Variants in PAG1 observed in about 807,000 individuals in gnomAD.
PAG1 encodes phosphoprotein associated with glycosphingolipid-enriched microdomains 1.
A neutral mutation model predicts 31.7 loss-of-function variants in PAG1; 23 were observed. That is an observed-to-expected ratio of 0.73 (90% confidence interval 0.52 to 1.03). The LOEUF (loss-of-function observed/expected upper bound fraction) is 1.03, where lower values mean the gene tolerates loss of function less well. Ranked by LOEUF, PAG1 falls within the 50% of genes least tolerant of loss-of-function variation. The pLI, the probability that PAG1 is intolerant of heterozygous loss-of-function variation, is 0.00. For missense variants in PAG1, 473 were observed against 540.7 expected (o/e 0.87, Z 1.24); for synonymous variants, 214 against 210.3 (o/e 1.02, Z -0.15).
intron 7 of PAG1, among the ~76,000 whole-genome samples, chr8:80,980,902 C>T (rs992367054): frequency 1.3e-5 from 2 of 152,158 alleles, no homozygotes; most frequent in African/African-American, 2.4e-5. Context: ...ATCCTTAAGT[C>T]ATTTGGAAAC....
intron 7 of PAG1, among the ~76,000 whole-genome samples, chr8:80,982,080 G>C (rs952187035): frequency 6.6e-6 from 1 of 151,872 alleles, no homozygotes; most frequent in African/African-American, 2.4e-5. Flanking sequence ...TGCCCAGGCT[G>C]GTTTCAAACA....
intron 2 of PAG1, among the ~76,000 whole-genome samples, chr8:81,051,547 A>G (rs1471651830): frequency 2.0e-5 from 3 of 152,248 alleles, no homozygotes; most frequent in Non-Finnish European, 4.4e-5. Context: ...AAATTCAGTC[A>G]TTAGGACGAC....
intron 3 of PAG1, among the ~76,000 whole-genome samples, chr8:81,017,894 C>A (rs1471417380): frequency 6.6e-6 from 1 of 152,222 alleles, no homozygotes; most frequent in African/African-American, 2.4e-5. Context: ...ACAGCCACTA[C>A]TCAACCTTTT....
intron 2 of PAG1, among the ~76,000 whole-genome samples, chr8:81,059,369 T>G (rs1288299687): frequency 2.0e-5 from 3 of 152,162 alleles, no homozygotes; most frequent in Non-Finnish European, 4.4e-5. Context: ...TAAATGTTGT[T>G]TCTGTTTAGA....
intron 1 of PAG1, among the ~76,000 whole-genome samples, chr8:81,101,609 G>A (rs796214974): frequency 3.9e-5 from 6 of 152,078 alleles, no homozygotes; most frequent in African/African-American, 9.6e-5. Context: ...CAATTCTATT[G>A]GCAAAAATAT....
chr8:80,980,192 C>T (rs1424273610), intron 8 of PAG1, among the ~76,000 whole-genome samples: 1 of 152,166 alleles, frequency 6.6e-6, no homozygotes, highest in East Asian at 1.9e-4. Flanking sequence ...TTTTCCTGAC[C>T]CTGCTTTCCT....
At chr8:81,000,109 T>G (rs993500277) in intron 3 of PAG1, among the ~76,000 whole-genome samples, 1 of 152,168 alleles carries the variant, frequency 6.6e-6, no homozygotes, top group African/African-American at 2.4e-5. Flanking sequence ...AGTGTGTATT[T>G]TGGGCTTTAG....
chr8:81,077,267 T>C (rs1474341276), intron 1 of PAG1, among the ~76,000 whole-genome samples: 1 of 152,240 alleles, frequency 6.6e-6, no homozygotes, highest in Admixed American at 6.5e-5. Flanking sequence ...TGCTTCATTT[T>C]ACAGCTGAGA....
Position 81,051,653 on chromosome 8 carries a change from T to G in PAG1, c.-175+18459A>C, listed in dbSNP as rs560445380. On this transcript the variant is annotated intron_variant, in intron 2 of 8. Transcript: ENST00000220597. ...CAATTTTTGTAAAGTTAAACAACTTTATAGAAAACAGAGAAAACAATGAAC... is the reference window on the plus strand; with the variant it reads ...CAATTTTTGTAAAGTTAAACAACTTGATAGAAAACAGAGAAAACAATGAAC... 1.7e-4 allele frequency among the ~76,000 whole-genome samples: 26 copies of G among 152,338 alleles called. No individual in the cohort carries two copies. The South Asian group carries it at 5.4e-3, about 32-fold the overall frequency.
intron 1 of PAG1, among the ~76,000 whole-genome samples, chr8:81,077,895 G>T (rs1167881034): frequency 5.3e-5 from 8 of 152,020 alleles, no homozygotes; most frequent in African/African-American, 1.7e-4. Flanking sequence ...AAGGGAACAG[G>T]CTTACTTAAA....
At chr8:80,998,736 G>C (rs1453208862) in intron 3 of PAG1, among the ~76,000 whole-genome samples, 1 of 152,242 alleles carries the variant, frequency 6.6e-6, no homozygotes, top group Non-Finnish European at 1.5e-5. Context: ...GGGATGGCCA[G>C]TGAGATTAGA....
At chr8:80,980,413 T>G in intron 8 of PAG1, 22 bp downstream of exon 8, 1 of 1,474,572 alleles carries the variant, frequency 6.8e-7, no homozygotes, top group Non-Finnish European at 9.5e-7. Context: ...GTTTTCCCTT[T>G]TTAAAAAGAA....
At chr8:81,022,008 CA>C (rs1808181675) in intron 3 of PAG1, among the ~76,000 whole-genome samples, 1 of 152,146 alleles carries the variant, frequency 6.6e-6, no homozygotes, top group African/African-American at 2.4e-5. Context: ...AAACATTTTC[CA>C]AACAAGACTG....
At chr8:81,101,678 T>C (rs1280988891) in intron 1 of PAG1, among the ~76,000 whole-genome samples, 2 of 152,166 alleles carry the variant, frequency 1.3e-5, no homozygotes, top group African/African-American at 4.8e-5. Flanking sequence ...CTCTTTAGTA[T>C]TAAGCATGTA....
chr8:81,064,736 C>A (rs550929584), intron 2 of PAG1, among the ~76,000 whole-genome samples: 29 of 152,224 alleles, frequency 1.9e-4, no homozygotes, highest in Admixed American at 5.9e-4. Context: ...GTAGTTCTTA[C>A]GATCTTCTCA....
At chr8:80,984,061 C>G (rs1807363683) in intron 7 of PAG1, among the ~76,000 whole-genome samples, 1 of 152,164 alleles carries the variant, frequency 6.6e-6, no homozygotes, top group African/African-American at 2.4e-5. Context: ...GAACCTTCCT[C>G]TTTTTCTGTG....
chr8:80,981,824 T>C (rs930445529), intron 7 of PAG1, among the ~76,000 whole-genome samples: 33 of 150,860 alleles, frequency 2.2e-4, no homozygotes, highest in African/African-American at 8.1e-4. Flanking sequence ...ACAAACCTAG[T>C]CCTACTCCGA....
intron 2 of PAG1, among the ~76,000 whole-genome samples, chr8:81,036,398 T>A (rs578137002): frequency 6.6e-6 from 1 of 152,080 alleles, no homozygotes; most frequent in Non-Finnish European, 1.5e-5. Flanking sequence ...GAAAAAAAAA[T>A]GTATCCTTAA....
chr8:81,078,600 T>C (rs1809214454), intron 1 of PAG1, among the ~76,000 whole-genome samples: 1 of 152,186 alleles, frequency 6.6e-6, no homozygotes, highest in African/African-American at 2.4e-5. Context: ...TTGCTTATTA[T>C]TCCTTTATCC....
Sources: gnomAD v4.1 joint callset for allele counts (sites outside exome capture counted in the v4.1 genomes callset) on GRCh38, gnomAD v4.1.1 for gene constraint, MANE v1.5 for transcripts, NCBI Gene and HGNC (gene_info 2026-07-23, HGNC 2026-07-21) for gene names.